TOX: variants seen among roughly 807,000 people sequenced by gnomAD.
The protein encoded by TOX is thymocyte selection-associated high mobility group box protein TOX.
Under a neutral mutation model 53.7 loss-of-function variants are expected in TOX, and 11 were observed. That is an observed-to-expected ratio of 0.20 (90% CI 0.13 to 0.34). The LOEUF is 0.34. Ranked by LOEUF, TOX falls within the 10% of genes least tolerant of loss-of-function variation. The pLI, the probability that TOX is intolerant of heterozygous loss-of-function variation, is 1.00. For missense variants in TOX, 570 were observed against 664.6 expected (o/e 0.86, Z 1.56); for synonymous variants, 225 against 245.3 (o/e 0.92, Z 0.77).
intron 3 of TOX, among the ~76,000 whole-genome samples, chr8:58,876,187 T>C (rs2129170463): frequency 6.6e-6 from 1 of 152,018 alleles, no homozygotes; most frequent in Non-Finnish European, 1.5e-5. Context: ...TTCTGACAGA[T>C]GATGTATTAA....
intron 1 of TOX, among the ~76,000 whole-genome samples, chr8:59,085,389 TTTTTA>T (rs796661693): frequency 1.2e-4 from 16 of 129,312 alleles, no homozygotes; most frequent in African/African-American, 7.1e-4. Context: ...TCTTTTTCCT[TTTTTA>T]TTTTTTCTTT....
At chr8:58,831,303 C>T (rs2129166277) in intron 5 of TOX, among the ~76,000 whole-genome samples, 1 of 152,258 alleles carries the variant, frequency 6.6e-6, no homozygotes, top group South Asian at 2.1e-4. Flanking sequence ...TTCAGTTATG[C>T]TTACCAATCT....
At chr8:58,838,660 AC>A (rs1321004933) in intron 4 of TOX, among the ~76,000 whole-genome samples, 1 of 150,110 alleles carries the variant, frequency 6.7e-6, no homozygotes, top group East Asian at 2.0e-4. Flanking sequence ...TATTGGATGA[AC>A]AATCTAACTT....
chr8:59,077,614 C>T lies in TOX; in HGVS notation c.102+41272G>A, dbSNP rs1342757775. On this transcript the variant is annotated intron_variant, in intron 1 of 8. Transcript: ENST00000361421. Reference sequence around the variant, plus strand: ...CTCCTGGCACTGAGATCTGCTGCTGCTCCAATCCCCTCCTGGTGGGAGTCT... The same window carrying T: ...CTCCTGGCACTGAGATCTGCTGCTGTTCCAATCCCCTCCTGGTGGGAGTCT... Among the ~76,000 whole-genome samples, 4 of 152,278 alleles carry T rather than the reference C, an allele frequency of 2.6e-5. No individual in the cohort carries two copies. The East Asian group carries it at 5.8e-4, about 22-fold the overall frequency.
chr8:59,086,025 G>A (rs1320736975), intron 1 of TOX, among the ~76,000 whole-genome samples: 1 of 56,348 alleles, frequency 1.8e-5, no homozygotes, highest in East Asian at 5.2e-4. Flanking sequence ...CATTCTTGTT[G>A]TCCAGGCTGG....
At chr8:58,837,063 C>T (rs1810558013) in intron 5 of TOX, among the ~76,000 whole-genome samples, 1 of 152,090 alleles carries the variant, frequency 6.6e-6, no homozygotes, top group African/African-American at 2.4e-5. Flanking sequence ...ACACTATATA[C>T]TTTATAGATG....
chr8:58,998,496 T>C (rs1263420428), intron 1 of TOX, among the ~76,000 whole-genome samples: 1 of 62,884 alleles, frequency 1.6e-5, no homozygotes, highest in African/African-American at 1.0e-4. Flanking sequence ...CTCAAAAGTA[T>C]ATATATATAT....
intron 3 of TOX, among the ~76,000 whole-genome samples, chr8:58,870,571 A>G (rs565104544): frequency 6.6e-6 from 1 of 152,280 alleles, no homozygotes; most frequent in East Asian, 1.9e-4. Flanking sequence ...ACAACCCAGT[A>G]TAGCCAACAC....
chr8:58,872,710 G>T (rs75914656), intron 3 of TOX, among the ~76,000 whole-genome samples: 20,513 of 152,054 alleles, frequency 0.13, 1,599 homozygotes, highest in Non-Finnish European at 0.16. Context: ...AATTGCTGAG[G>T]TCATCAAAAA....
chr8:58,951,202 A>G (rs1812614904), intron 2 of TOX, among the ~76,000 whole-genome samples: 2 of 152,196 alleles, frequency 1.3e-5, no homozygotes, highest in Non-Finnish European at 1.5e-5. Flanking sequence ...AATATTTACT[A>G]TCTTTTTGAG....
At chr8:58,900,243 A>G (rs1811712877) in intron 3 of TOX, among the ~76,000 whole-genome samples, 1 of 152,196 alleles carries the variant, frequency 6.6e-6, no homozygotes, top group South Asian at 2.1e-4. Flanking sequence ...AGCATATGTT[A>G]TTTTGAAAAT....
chr8:59,105,539 G>A lies in TOX; in HGVS notation c.102+13347C>T, dbSNP rs541586497. Among the ~76,000 whole-genome samples, 37 of 151,956 alleles carry A rather than the reference G, an allele frequency of 2.4e-4. 1 individual carries two copies. The South Asian group carries it at 6.5e-3, about 27-fold the overall frequency. ...GCAGTGCCTTCATATAGTGATCATC[G>A]GTACTGCATACTATATGAAGGCTGG... On this transcript the variant is annotated intron_variant, in intron 1 of 8. Transcript: ENST00000361421.
chr8:59,072,164 T>A (rs1490563483), intron 1 of TOX, among the ~76,000 whole-genome samples: 1 of 152,188 alleles, frequency 6.6e-6, no homozygotes, highest in Non-Finnish European at 1.5e-5. Flanking sequence ...TATGCTTTTG[T>A]TAGGTTTGTG....
At chr8:58,957,840 T>C (rs1042769707) in intron 2 of TOX, among the ~76,000 whole-genome samples, 1 of 152,078 alleles carries the variant, frequency 6.6e-6, no homozygotes, top group East Asian at 1.9e-4. Context: ...ATGACTAAAA[T>C]CTTATTTATG....
At chr8:58,991,978 A>C (rs1053116276) in intron 1 of TOX, 32 of 152,214 alleles carry the variant, frequency 2.1e-4, no homozygotes, top group Middle Eastern at 3.4e-3. Flanking sequence ...CGTGGTGGAG[A>C]CGCCGGAGCC....
At chr8:59,104,727 T>C (rs1207144932) in intron 1 of TOX, among the ~76,000 whole-genome samples, 1 of 152,194 alleles carries the variant, frequency 6.6e-6, no homozygotes, top group Non-Finnish European at 1.5e-5. Flanking sequence ...TTATAAAAGG[T>C]GAGAAGTCTA....
intron 3 of TOX, among the ~76,000 whole-genome samples, chr8:58,903,677 A>G (rs960983561): frequency 1.3e-5 from 2 of 152,322 alleles, no homozygotes; most frequent in African/African-American, 4.8e-5. Context: ...TTGAGGGTAC[A>G]TGGTAAATAT....
chr8:58,857,936 C>T (rs575762192), intron 3 of TOX, among the ~76,000 whole-genome samples: 1 of 152,046 alleles, frequency 6.6e-6, no homozygotes, highest in East Asian at 1.9e-4. Flanking sequence ...CACCCAGCTA[C>T]TTGTTGTATT....
chr8:58,995,781 C>T (rs1207042494), intron 1 of TOX, among the ~76,000 whole-genome samples: 2 of 152,096 alleles, frequency 1.3e-5, no homozygotes, highest in Admixed American at 6.5e-5. Context: ...CATTTTGTAC[C>T]TCAGTGACTG....
Sources: gnomAD v4.1 joint callset for allele counts (sites outside exome capture counted in the v4.1 genomes callset) on GRCh38, gnomAD v4.1.1 for gene constraint, MANE v1.5 for transcripts, NCBI Gene and HGNC (gene_info 2026-07-23, HGNC 2026-07-21) for gene names.